FBLN7: variants seen among roughly 807,000 people sequenced by gnomAD.
FBLN7 encodes the protein fibulin-7.
A neutral mutation model predicts 44.0 loss-of-function variants in FBLN7; 31 were observed. The ratio of observed to expected loss-of-function variants is 0.70; its 90% CI spans 0.53 to 0.95. FBLN7 has a LOEUF of 0.95. Ranked by LOEUF, FBLN7 falls within the 40% of genes least tolerant of loss-of-function variation. The pLI is 0.00. For synonymous variants in FBLN7, 262 were observed against 253.4 expected (o/e 1.03, Z -0.32); for missense variants, 573 against 618.5 (o/e 0.93, Z 0.78).
the FBLN7 span, chr2:112,213,775 CAAAAAAAAAAAAAAAAAAAAA>C: frequency 2.5e-4 from 6 of 24,076 alleles, no homozygotes; most frequent in South Asian, 5.4e-3. Context: ...GACTCCGTCT[CAAAAAAAAAAAAAAAAAAAAA>C]AAAAAAAAAA....
At position 112,138,539 on chromosome 2, in the gene FBLN7, C is replaced by T; in HGVS notation, c.-117C>T. The T allele has an allele frequency of 2.1e-6, 3 of 1,459,652 alleles. No individual in the cohort carries two copies. The highest frequency in any genetic ancestry group is 2.1e-5 in the Admixed American group (1 of 48,578). 90.4% of individuals were successfully genotyped at this position (1,459,652 alleles called of 1,614,324 possible). On this transcript the variant is annotated 5_prime_UTR_variant, in exon 1 of 8. Transcript: ENST00000331203. The stretch of plus-strand genomic sequence containing the variant: ...CCGCCTCCCCCCCTGCCCCAGCCGC[C>T]CCCCGGCCGCGCGGCGCCCCGCACC...
chr2:112,167,145 T>C (rs561464756), intron 3 of FBLN7, among the ~76,000 whole-genome samples: 9 of 152,374 alleles, frequency 5.9e-5, no homozygotes, highest in African/African-American at 1.9e-4. Flanking sequence ...TTTTCTTGCT[T>C]GCTCAGATAT....
chr2:112,175,574 G>A (rs986990142), intron 3 of FBLN7, 140 bp from the exon 4 acceptor site: 4 of 1,085,914 alleles, frequency 3.7e-6, no homozygotes, highest in Non-Finnish European at 5.3e-6. Context: ...TGGAGAGGGT[G>A]GAAAGAGTGG....
Position 112,158,047 on chromosome 2 carries a change from G to A in FBLN7, c.76-1629G>A, listed in dbSNP as rs1472059296. ...TGAGTAGGTGGGACTACAGGCACCC[G>A]CCACCTCACCCGGATAATTTTTTGT... On this transcript the variant is annotated intron_variant, in intron 1 of 7. Transcript: ENST00000331203. Among the ~76,000 whole-genome samples, 9 of 151,848 alleles carry A rather than the reference G, an allele frequency of 5.9e-5. 1 individual carries two copies. The highest frequency in any genetic ancestry group is 8.8e-5 in the Non-Finnish European group (6 of 67,998).
In FBLN7 at chr2:112,187,679, G is replaced by A. The variant is rs1683340706; in HGVS notation, c.*173G>A. The A allele has an allele frequency of 2.5e-6, 2 of 794,292 alleles. No individual in the cohort carries two copies. The highest frequency in any genetic ancestry group is 2.8e-5 in the Admixed American group (1 of 35,880). The allele number at this position is 794,292 out of a possible 1,614,324, so 49.2% of individuals were successfully genotyped here. On this transcript the variant is annotated 3_prime_UTR_variant, in exon 8 of 8. Transcript: ENST00000331203. This position sits in a 1 kb window ranked among gnomAD's most constrained non-coding sequence, Gnocchi z 5.1. ...CCCCATGGAATAGCACGGAAGAGCA[G>A]CCACAAAACTCAACTGCTGCCATCA...
the FBLN7 span, among the ~76,000 whole-genome samples, chr2:112,244,528 T>G: frequency 6.6e-5 from 10 of 152,236 alleles, no homozygotes; most frequent in Non-Finnish European, 1.5e-5. Flanking sequence ...ATACCTTATT[T>G]GATGTCCTTC....
intron 4 of FBLN7, chr2:112,176,934 ATT>A (rs11301330): frequency 0.16 from 23,254 of 143,484 alleles, 2,622 homozygotes; most frequent in African/African-American, 0.33. Flanking sequence ...CCACTGTGGG[ATT>A]TTTTTTTTTT....
At chr2:112,173,373 C>T (rs1046904254) in intron 3 of FBLN7, among the ~76,000 whole-genome samples, 5 of 151,850 alleles carry the variant, frequency 3.3e-5, no homozygotes, top group African/African-American at 4.8e-5. Context: ...CCTAGAGTAT[C>T]ACAAGCTGAA....
chr2:112,156,896 G>A (rs1681458522), intron 1 of FBLN7, among the ~76,000 whole-genome samples: 1 of 152,132 alleles, frequency 6.6e-6, no homozygotes, highest in African/African-American at 2.4e-5. Flanking sequence ...AGCGGCAGTG[G>A]CTCCATTCCC....
chr2:112,183,649 T>G (rs949704637), intron 6 of FBLN7, among the ~76,000 whole-genome samples: 34 of 150,844 alleles, frequency 2.3e-4, no homozygotes, highest in African/African-American at 8.3e-4. Context: ...GTGCAGAGAG[T>G]GGGTTGGGGG....
At position 112,187,047 on chromosome 2, in the gene FBLN7, C is replaced by G; in HGVS notation, c.948-87C>G. The G allele has an allele frequency of 6.5e-7, 1 of 1,529,470 alleles. No homozygotes were observed. The allele number at this position is 1,529,470 out of a possible 1,614,324, so 94.7% of individuals were successfully genotyped here. On this transcript the variant is annotated intron_variant, in intron 7 of 7. Coordinates refer to ENST00000331203, the MANE Select transcript of FBLN7 (RefSeq NM_153214.3). This position sits in a 1 kb window ranked among gnomAD's most constrained non-coding sequence, Gnocchi z 5.1. ...GGAAAGGTCATCTAGGTGGCCTCTG[C>G]AAGAGGGCAGGTGGGCAGCCGGGTC...
At chr2:112,163,122 G>C (rs2104571339) in intron 2 of FBLN7, among the ~76,000 whole-genome samples, 1 of 152,304 alleles carries the variant, frequency 6.6e-6, no homozygotes, top group East Asian at 1.9e-4. Context: ...CATCCTCGGA[G>C]GGTCCGGCAC....
the FBLN7 span, among the ~76,000 whole-genome samples, chr2:112,194,736 C>A: frequency 6.6e-6 from 1 of 152,252 alleles, no homozygotes; most frequent in Admixed American, 6.5e-5. Context: ...TCCAGTGCCT[C>A]ATGCAACCTG....
intron 1 of FBLN7, among the ~76,000 whole-genome samples, chr2:112,145,262 C>T (rs1354696195): frequency 1.3e-5 from 2 of 152,136 alleles, no homozygotes; most frequent in Non-Finnish European, 1.5e-5. Flanking sequence ...TCTGTTCGAG[C>T]CTTCTGCCCA....
intron 2 of FBLN7, 95 bp downstream of exon 2, chr2:112,159,930 C>T (rs986771085): frequency 5.4e-5 from 58 of 1,075,544 alleles, no homozygotes; most frequent in Non-Finnish European, 6.8e-5. Flanking sequence ...TCACCCCTCA[C>T]CCTTCCCCCA....
chr2:112,211,294 C>T, the FBLN7 span, among the ~76,000 whole-genome samples: 1 of 152,016 alleles, frequency 6.6e-6, no homozygotes. Context: ...TTCATATTTG[C>T]CATATAATAA....
rs201573384 is a variant in FBLN7 at position 112,138,672 on chromosome 2, C to T, written c.17C>T (p.Pro6Leu). Residue 6 changes from proline to leucine, a missense_variant, in exon 1 of 8, where the codon CCG becomes CTG. Physicochemically the swap from Pro to Leu is moderately conservative, Grantham distance 98 (BLOSUM62 -3). Coordinates refer to ENST00000331203, the MANE Select transcript of FBLN7 (RefSeq NM_153214.3). ...ACTGGCAAGATGGTGCCCAGCTCTC[C>T]GCGCGCGCTCTTCCTTCTGCTCCTG... is the stretch of plus-strand genomic sequence containing the variant. MVPSS[P>L]RALFLLLLIL... 172 of 1,613,656 alleles carry T rather than the reference C, an allele frequency of 1.1e-4. No homozygotes were observed. The highest frequency in any genetic ancestry group is 9.5e-5 in the Non-Finnish European group (112 of 1,179,878).
intron 4 of FBLN7, 58 bp from the exon 5 acceptor site, chr2:112,181,681 G>A: frequency 2.2e-6 from 3 of 1,347,742 alleles, no homozygotes; most frequent in Non-Finnish European, 1.9e-6. Context: ...CCCTACCCAA[G>A]GTCGGGCCCA....
the FBLN7 span, chr2:112,213,929 T>G: frequency 6.7e-6 from 1 of 150,076 alleles, no homozygotes; most frequent in South Asian, 2.1e-4. Context: ...ATTTCCATAA[T>G]GAAGACCCAC....
Sources: allele counts gnomAD v4.1 joint callset (sites outside exome capture counted in the v4.1 genomes callset), GRCh38; gene constraint gnomAD v4.1.1; non-coding constraint Gnocchi (gnomAD v3.1); transcripts MANE v1.5; gene names NCBI Gene and HGNC (gene_info 2026-07-23, HGNC 2026-07-21).